Variants in ZDHHC3 observed in about 807,000 individuals in gnomAD.
ZDHHC3 encodes palmitoyltransferase ZDHHC3.
ZDHHC3 carries 9 observed loss-of-function variants against 30.6 expected under a neutral mutation model. The ratio of observed to expected loss-of-function variants is 0.29; its 90% CI spans 0.18 to 0.51. The LOEUF (loss-of-function observed/expected upper bound fraction) is 0.51. Among genes scored for constraint, ZDHHC3 ranks in the 20% least tolerant of loss-of-function variants. The pLI, the probability that ZDHHC3 is intolerant of heterozygous loss-of-function variation, is 0.97. For missense variants in ZDHHC3, 246 were observed against 384.2 expected (o/e 0.64, Z 3.01); for synonymous variants, 136 against 140.2 (o/e 0.97, Z 0.21).
chr3:44,949,121 T>C (rs2125879709), intron 2 of ZDHHC3, among the ~76,000 whole-genome samples: 1 of 151,954 alleles, frequency 6.6e-6, no homozygotes, highest in Middle Eastern at 3.4e-3. Flanking sequence ...AGAAAAAAAA[T>C]CTGGTCTGCA....
Position 44,923,636 on chromosome 3 carries a change from T to C in ZDHHC3, c.*3053A>G, listed in dbSNP as rs759005375. On this transcript the variant is annotated 3_prime_UTR_variant, in exon 7 of 7. Transcript: ENST00000424952. ...GGGCAACACAGTGAGACCCTGACTC[T>C]ATTAAAAAACAAAAAAATTAGCCAG... 12 of 869,382 alleles carry C rather than the reference T, an allele frequency of 1.4e-5. No individual in the cohort carries two copies. The highest frequency in any genetic ancestry group is 1.7e-5 in the Non-Finnish European group (12 of 724,370). 53.9% of individuals were successfully genotyped at this position (869,382 alleles called of 1,614,324 possible). A position where few individuals can be genotyped will look rare whatever the true frequency, so the allele number is the denominator to read the frequency against.
intron 1 of ZDHHC3, among the ~76,000 whole-genome samples, chr3:44,974,506 T>C (rs1705707796): frequency 6.6e-6 from 1 of 152,114 alleles, no homozygotes; most frequent in Admixed American, 6.5e-5. Context: ...ACATCAGCAA[T>C]CTCATGTTAT....
chr3:44,929,498 C>T, intron 5 of ZDHHC3, 62 bp from the exon 6 acceptor site: 1 of 1,595,638 alleles, frequency 6.3e-7, no homozygotes, highest in South Asian at 1.1e-5. Flanking sequence ...CCCAGGCTCA[C>T]TGCCCCACTA....
intron 5 of ZDHHC3, among the ~76,000 whole-genome samples, chr3:44,932,454 G>T (rs912315076): frequency 6.6e-6 from 1 of 152,204 alleles, no homozygotes; most frequent in Admixed American, 6.5e-5. Flanking sequence ...CTCACAGATT[G>T]TGAGTATGAA....
rs888210366 is a variant in ZDHHC3, at chr3:44,916,878, A to T, written c.*9811T>A. 3 of 151,982 alleles carry T rather than the reference A, an allele frequency of 2.0e-5. No homozygotes were observed. Among genetic ancestry groups the T allele is most frequent in the Non-Finnish European group, 4.4e-5 (3 of 68,028 alleles). 9.4% of individuals were successfully genotyped at this position (151,982 alleles called of 1,614,324 possible). A position where few individuals can be genotyped will look rare whatever the true frequency, so the allele number is the denominator to read the frequency against. On this transcript the variant is annotated 3_prime_UTR_variant, in exon 7 of 7. Coordinates refer to ENST00000424952, the MANE Select transcript of ZDHHC3 (RefSeq NM_001135179.2). ...TCTATCTTCCTGATTCATCTGATTCATCAATCAGCAGACCCTGGCCATCAC... is the reference window on the plus strand; with the variant it reads ...TCTATCTTCCTGATTCATCTGATTCTTCAATCAGCAGACCCTGGCCATCAC...
At chr3:44,948,715 G>A (rs1703169074) in intron 2 of ZDHHC3, among the ~76,000 whole-genome samples, 1 of 152,216 alleles carries the variant, frequency 6.6e-6, no homozygotes. Flanking sequence ...GGAGCACCTG[G>A]GAGGAAAATC....
chr3:44,969,581 T>G (rs552712656), intron 1 of ZDHHC3: 1 of 152,242 alleles, frequency 6.6e-6, no homozygotes, highest in African/African-American at 2.4e-5. Flanking sequence ...AGTATTGATG[T>G]TTCCATCAGT....
rs1190992453 is a variant in ZDHHC3, at chr3:44,923,457, CTATT to C, written c.*3228_*3231del. On this transcript the variant is annotated 3_prime_UTR_variant, in exon 7 of 7. Transcript: ENST00000424952. The stretch of plus-strand genomic sequence containing the variant: ...TGCATTAGGGGACGGTGGATTCTAA[CTATT>C]TAAGTGGCCTAGCCAGATGAGCAAA... 3 of 985,144 alleles carry C rather than the reference CTATT, an allele frequency of 3.0e-6. No individual in the cohort carries two copies. The highest frequency in any genetic ancestry group is 3.6e-6 in the Non-Finnish European group (3 of 829,896). The allele number at this position is 985,144 out of a possible 1,614,324, so 61.0% of individuals were successfully genotyped here.
intron 1 of ZDHHC3, among the ~76,000 whole-genome samples, chr3:44,968,898 G>T (rs1705176708): frequency 6.6e-6 from 1 of 152,190 alleles, no homozygotes; most frequent in Admixed American, 6.5e-5. Context: ...TTACAGATGA[G>T]TAAGGAAGTG....
intron 2 of ZDHHC3, 31 bp from the exon 3 acceptor site, chr3:44,945,323 G>C: frequency 6.2e-7 from 1 of 1,613,920 alleles, no homozygotes; most frequent in East Asian, 2.2e-5. Flanking sequence ...ATCAGGGTTG[G>C]GCTGGGGGTT....
chr3:44,930,059 G>C (rs1465338123), intron 5 of ZDHHC3, among the ~76,000 whole-genome samples: 1 of 152,224 alleles, frequency 6.6e-6, no homozygotes, highest in African/African-American at 2.4e-5. Context: ...GAGGCCAACA[G>C]TGCCAAAGGC....
intron 6 of ZDHHC3, among the ~76,000 whole-genome samples, chr3:44,927,308 G>A (rs1221129455): frequency 6.6e-6 from 1 of 152,150 alleles, no homozygotes; most frequent in Non-Finnish European, 1.5e-5. Context: ...TTTGGGATAG[G>A]TTCCTAGGAA....
At chr3:44,939,331 T>C (rs948854167) in intron 3 of ZDHHC3, among the ~76,000 whole-genome samples, 1 of 152,244 alleles carries the variant, frequency 6.6e-6, no homozygotes, top group Non-Finnish European at 1.5e-5. Flanking sequence ...TATTTTTAAA[T>C]TGGTAATGCC....
chr3:44,932,394 A>G (rs1259155759), intron 5 of ZDHHC3, among the ~76,000 whole-genome samples: 3 of 152,240 alleles, frequency 2.0e-5, no homozygotes, highest in African/African-American at 7.2e-5. Flanking sequence ...AAGGAGGCCC[A>G]TGGAGGGAAA....
intron 4 of ZDHHC3, 146 bp downstream of exon 4, chr3:44,933,742 C>T (rs1275388869): frequency 2.6e-6 from 2 of 781,156 alleles, no homozygotes; most frequent in East Asian, 2.4e-5. Flanking sequence ...CTTGTTGAGC[C>T]AGAGAGATCT....
At chr3:44,928,550 T>C (rs1292542574) in intron 6 of ZDHHC3, among the ~76,000 whole-genome samples, 3 of 152,134 alleles carry the variant, frequency 2.0e-5, no homozygotes, top group Non-Finnish European at 4.4e-5. Flanking sequence ...CAGAGCTAAG[T>C]GCCACCCCTT....
intron 2 of ZDHHC3, among the ~76,000 whole-genome samples, chr3:44,953,626 G>A (rs867065635): frequency 2.0e-5 from 3 of 152,314 alleles, no homozygotes; most frequent in Middle Eastern, 3.4e-3. Flanking sequence ...TCTCCCAGGA[G>A]CATGGTAACC....
At position 44,921,147 on chromosome 3, in the gene ZDHHC3, A is replaced by G; in HGVS notation, c.*5542T>C. The G allele has an allele frequency of 1.0e-6, 1 of 985,406 alleles. No individual in the cohort carries two copies. Among genetic ancestry groups the G allele is most frequent in the South Asian group, 4.7e-5 (1 of 21,246 alleles). 61.0% of individuals were successfully genotyped at this position (985,406 alleles called of 1,614,324 possible). On this transcript the variant is annotated 3_prime_UTR_variant, in exon 7 of 7. Coordinates refer to ENST00000424952, the MANE Select transcript of ZDHHC3 (RefSeq NM_001135179.2). Reference sequence around the variant, plus strand: ...TGTGATGGGCCTTTTGGCCCAGGTCAGTCTGGGTGACACATGAGCTGTGAT... The same window carrying G: ...TGTGATGGGCCTTTTGGCCCAGGTCGGTCTGGGTGACACATGAGCTGTGAT...
intron 4 of ZDHHC3, 50 bp from the exon 5 acceptor site, chr3:44,933,249 C>T (rs1701658457): frequency 6.4e-7 from 1 of 1,572,584 alleles, no homozygotes; most frequent in Non-Finnish European, 8.7e-7. Context: ...ATCCTCTGAC[C>T]TCACGGGCTC....
Sources: allele counts gnomAD v4.1 joint callset (sites outside exome capture counted in the v4.1 genomes callset), GRCh38; gene constraint gnomAD v4.1.1; transcripts MANE v1.5; gene names NCBI Gene and HGNC (gene_info 2026-07-23, HGNC 2026-07-21).